The following SIN3B variants were observed in gnomAD, a reference collection of about 807,000 sequenced individuals.
SIN3B encodes the protein paired amphipathic helix protein Sin3b.
Under a neutral mutation model 120.2 loss-of-function variants are expected in SIN3B, and 19 were observed. That is an observed-to-expected ratio of 0.16 (90% CI 0.11 to 0.23). The LOEUF is 0.23. Among genes scored for constraint, SIN3B ranks in the 10% least tolerant of loss-of-function variants. The pLI is 1.00. For missense variants in SIN3B, 1,073 were observed against 1,573.0 expected (o/e 0.68, Z 5.38); for synonymous variants, 654 against 653.2 (o/e 1.00, Z -0.02).
intron 5 of SIN3B, 50 bp downstream of exon 5, chr19:16,847,163 A>G: frequency 6.3e-7 from 1 of 1,578,558 alleles, no homozygotes; most frequent in Non-Finnish European, 8.6e-7. Context: ...GCGAGGACGG[A>G]GGGCCCCAGC....
At chr19:16,834,407 C>A (rs1971318977) in intron 3 of SIN3B, among the ~76,000 whole-genome samples, 1 of 152,226 alleles carries the variant, frequency 6.6e-6, no homozygotes, top group Admixed American at 6.5e-5. Context: ...AGGCGCCACA[C>A]TGGTTGTATT....
In SIN3B at chr19:16,871,214, G is replaced by A. The variant is rs370550424; in HGVS notation, c.2423-15G>A. ...TCTCCAGGAGGCATATGGATGAGGCGGTGTGTCTCCGCAGGTGAAGTGGAG... is the reference window on the plus strand; with the variant it reads ...TCTCCAGGAGGCATATGGATGAGGCAGTGTGTCTCCGCAGGTGAAGTGGAG... On this transcript the variant is annotated splice_polypyrimidine_tract_variant and intron_variant, in intron 13 of 18. Coordinates refer to ENST00000248054, the MANE Select transcript of SIN3B (RefSeq NM_001297595.2). The A allele has an allele frequency of 1.7e-5, 27 of 1,613,922 alleles. No homozygotes were observed. The highest frequency in any genetic ancestry group is 3.3e-5 in the South Asian group (3 of 91,090).
chr19:16,847,087 T>A lies in SIN3B; in HGVS notation c.700T>A (p.Phe234Ile). The change falls in exon 5 of 19, where the codon TTC becomes ATC. Residue 234 changes from phenylalanine (F) to isoleucine (I), a missense_variant. By Grantham distance (21) the Phe-to-Ile change is conservative. Transcript: ENST00000248054. ...GGACCTGCTCTCAGAGTTTGGACAGTTCCTGCCCGAAGCCAAGCGGTCTCT... is the reference window on the plus strand; with the variant it reads ...GGACCTGCTCTCAGAGTTTGGACAGATCCTGCCCGAAGCCAAGCGGTCTCT... The part of the protein sequence containing the change: ...QEDLLSEFGQ[F>I]LPEAKRSLFT... 1 of 1,613,346 alleles carries A rather than the reference T, an allele frequency of 6.2e-7. No homozygotes were observed. The highest frequency in any genetic ancestry group is 8.5e-7 in the Non-Finnish European group (1 of 1,179,344).
chr19:16,833,529 G>A (rs1466609182), intron 3 of SIN3B, among the ~76,000 whole-genome samples: 2 of 151,724 alleles, frequency 1.3e-5, no homozygotes, highest in Admixed American at 1.3e-4. Context: ...CTACTTGGGA[G>A]GCTGAGGCAT....
chr19:16,876,282 G>A lies in SIN3B; in HGVS notation c.2766+54G>A, dbSNP rs57469432. On this transcript the variant is annotated intron_variant, in intron 15 of 18. Transcript: ENST00000248054. The surrounding 1 kb of genome is among the most constrained non-coding windows in gnomAD (Gnocchi z 7.1). Reference sequence around the variant, plus strand: ...GCCGGGAGGCCCGGCCGCTCACTCCGCTCTGGACTCAGTCCTGGGTGGACC... The same window carrying A: ...GCCGGGAGGCCCGGCCGCTCACTCCACTCTGGACTCAGTCCTGGGTGGACC... The A allele has an allele frequency of 0.044, 69,067 of 1,564,350 alleles. 2,731 individuals are homozygous for A. The highest frequency in any genetic ancestry group is 0.19 in the African/African-American group (14,337 of 74,282).
intron 2 of SIN3B, among the ~76,000 whole-genome samples, chr19:16,830,736 C>T (rs183899809): frequency 4.8e-4 from 73 of 152,352 alleles, no homozygotes; most frequent in African/African-American, 1.6e-3. Flanking sequence ...TTTCTTACAC[C>T]TTTCCCATTC....
rs549006026 is a variant in SIN3B at position 16,879,150 on chromosome 19, A to G, written c.*423A>G. ...GGTCCATGTCCAAGAGACCCTGACA[A>G]GGAAGGAGTTGAGCCCTGGGTAGGC... is the stretch of plus-strand genomic sequence containing the variant. On this transcript the variant is annotated 3_prime_UTR_variant, in exon 19 of 19. Coordinates refer to ENST00000248054, the MANE Select transcript of SIN3B (RefSeq NM_001297595.2). 38 of 200,960 alleles carry G rather than the reference A, an allele frequency of 1.9e-4. No individual in the cohort carries two copies. The highest frequency in any genetic ancestry group is 5.0e-4 in the South Asian group (4 of 8,032). 12.4% of individuals were successfully genotyped at this position (200,960 alleles called of 1,614,324 possible).
intron 3 of SIN3B, among the ~76,000 whole-genome samples, 181 bp from the exon 4 acceptor site, chr19:16,841,587 C>T (rs768855762): frequency 9.2e-5 from 14 of 152,136 alleles, no homozygotes; most frequent in Non-Finnish European, 1.6e-4. Context: ...TGGGAAGACT[C>T]ACCTGTGCAC....
chr19:16,829,742 C>A (rs927239581), intron 1 of SIN3B, 49 bp from the exon 2 acceptor site: 10 of 1,517,774 alleles, frequency 6.6e-6, no homozygotes, highest in Non-Finnish European at 9.1e-6. Context: ...GGCCCCTCGT[C>A]CCCTCGTTCC....
rs751691634 is a variant in SIN3B at position 16,851,517 on chromosome 19, G to A, written c.832G>A (p.Val278Met). 18 of 1,602,460 alleles carry A rather than the reference G, an allele frequency of 1.1e-5. No homozygotes were observed. Among genetic ancestry groups the A allele is most frequent in the Middle Eastern group, 1.7e-4 (1 of 6,046 alleles). ...KRSRPSLLRP[V>M]SAPAKKKMKL... ...CTCCCGGCCCTCGCTCCTCCGCCCC[G>A]TGTCTGCACCCGCCAAGGTACCTGT... The change falls in exon 6 of 19, where the codon GTG (valine) becomes ATG (methionine). Residue 278 changes from valine (V) to methionine (M), a missense_variant. By Grantham distance (21) the Val-to-Met change is conservative. This residue lies in a region of SIN3B where 395 missense variants were observed against 528.0 expected (regional missense o/e 0.75). Transcript: ENST00000248054.
rs566655086 is a variant in SIN3B, at chr19:16,877,587, G to A, written c.2902G>A (p.Ala968Thr). Residue 968 changes from alanine (A) to threonine (T), a missense_variant, in exon 17 of 19, where the codon GCG becomes ACG. Coordinates refer to ENST00000248054, the MANE Select transcript of SIN3B (RefSeq NM_001297595.2). ...YVEQYVGTEG[A>T]SSSPTEGFLL... The stretch of plus-strand genomic sequence containing the variant: ...GGAGCAGTATGTGGGGACCGAGGGC[G>A]CGTCCAGCTCGCCCACTGAGGGCTT... The A allele has an allele frequency of 2.8e-4, 444 of 1,612,440 alleles. 4 individuals carry two copies. The South Asian group carries it at 4.3e-3, about 15-fold the overall frequency.
At chr19:16,831,102 G>A (rs997298765) in intron 2 of SIN3B, among the ~76,000 whole-genome samples, 3 of 150,152 alleles carry the variant, frequency 2.0e-5, no homozygotes, top group East Asian at 2.0e-4. Context: ...TCGTGCTGTC[G>A]CCCAGGCTGG....
intron 3 of SIN3B, among the ~76,000 whole-genome samples, chr19:16,832,487 C>T (rs971321391): frequency 4.0e-5 from 6 of 149,558 alleles, no homozygotes; most frequent in African/African-American, 4.9e-5. Flanking sequence ...CGTGAGCCAC[C>T]GTGCCCAGCC....
intron 5 of SIN3B, among the ~76,000 whole-genome samples, chr19:16,849,092 A>G (rs1971513816): frequency 6.6e-6 from 1 of 152,264 alleles, no homozygotes; most frequent in African/African-American, 2.4e-5. Flanking sequence ...AGATTGGATC[A>G]ACTTTTTAAA....
At chr19:16,843,525 G>A (rs1340179816) in intron 4 of SIN3B, among the ~76,000 whole-genome samples, 2 of 152,192 alleles carry the variant, frequency 1.3e-5, no homozygotes, top group African/African-American at 4.8e-5. Context: ...CTGTGTGGAG[G>A]GATGTGCTTG....
intron 8 of SIN3B, among the ~76,000 whole-genome samples, chr19:16,861,169 G>A (rs1478653982): frequency 6.6e-6 from 1 of 152,176 alleles, no homozygotes; most frequent in Non-Finnish European, 1.5e-5. Flanking sequence ...GGTTCACAGA[G>A]AGAAGTCTCC....
chr19:16,875,162 CTG>C (rs1938138211), intron 14 of SIN3B, among the ~76,000 whole-genome samples: 1 of 118,652 alleles, frequency 8.4e-6, no homozygotes, highest in South Asian at 2.8e-4. Context: ...TGGTTTGGGT[CTG>C]GTCTGGTCTG....
intron 4 of SIN3B, 49 bp from the exon 5 acceptor site, chr19:16,846,921 C>T: frequency 6.3e-7 from 1 of 1,590,018 alleles, no homozygotes; most frequent in Non-Finnish European, 8.6e-7. Context: ...GCCCAGGGCA[C>T]AGCACTCCTT....
At chr19:16,831,684 C>T (rs774058845) in intron 3 of SIN3B, 37 bp downstream of exon 3, 3 of 1,604,924 alleles carry the variant, frequency 1.9e-6, no homozygotes, top group African/African-American at 1.3e-5. Flanking sequence ...TCTCAGCCTT[C>T]ACCGAGTATG....
Sources: gnomAD v4.1 joint callset for allele counts (sites outside exome capture counted in the v4.1 genomes callset) on GRCh38, gnomAD v4.1.1 for gene constraint, gnomAD v4.1.1 regional missense constraint, Gnocchi (gnomAD v3.1) non-coding constraint, MANE v1.5 for transcripts, NCBI Gene and HGNC (gene_info 2026-07-23, HGNC 2026-07-21) for gene names.